CCSER1: variants seen among roughly 807,000 people sequenced by gnomAD.
The protein encoded by CCSER1 is coiled-coil serine rich protein 1, also known as serine-rich coiled-coil domain-containing protein 1.
A neutral mutation model predicts 82.0 loss-of-function variants in CCSER1; 41 were observed. The observed-to-expected ratio is 0.50, with a 90% CI of 0.39 to 0.65. The LOEUF (loss-of-function observed/expected upper bound fraction) is 0.65. CCSER1 is among the 30% of genes least tolerant of loss of function. The probability of loss-of-function intolerance (pLI) is 0.00; values close to 1 mark genes in which losing one functional copy is unlikely to be tolerated. For missense variants in CCSER1, 1,119 were observed against 1,064.2 expected (o/e 1.05, Z -0.72); for synonymous variants, 414 against 383.9 (o/e 1.08, Z -0.92).
chr4:90,375,381 A>G (rs560455464), intron 3 of CCSER1, among the ~76,000 whole-genome samples: 1 of 152,180 alleles, frequency 6.6e-6, no homozygotes, highest in South Asian at 2.1e-4. Context: ...AAAGTAAAAT[A>G]TAGCTACTAG....
intron 7 of CCSER1, among the ~76,000 whole-genome samples, chr4:90,769,717 GTGTCTAC>G (rs1316390423): frequency 1.3e-5 from 2 of 152,168 alleles, no homozygotes; most frequent in African/African-American, 4.8e-5. Flanking sequence ...TAGACCTGAA[GTGTCTAC>G]ACCATGGCTG....
intron 10 of CCSER1, among the ~76,000 whole-genome samples, chr4:91,154,593 A>C (rs1730613109): frequency 6.6e-6 from 1 of 152,018 alleles, no homozygotes; most frequent in Non-Finnish European, 1.5e-5. Flanking sequence ...AAATGCAGGA[A>C]TCACCCATCT....
intron 9 of CCSER1, among the ~76,000 whole-genome samples, chr4:91,062,966 G>T (rs1187540698): frequency 6.6e-6 from 1 of 152,048 alleles, no homozygotes; most frequent in Non-Finnish European, 1.5e-5. Flanking sequence ...AATAACCAAT[G>T]ATTTATTTGA....
intron 9 of CCSER1, among the ~76,000 whole-genome samples, chr4:91,079,113 A>G (rs565784523): frequency 6.0e-4 from 91 of 152,334 alleles, no homozygotes; most frequent in Non-Finnish European, 1.2e-3. Flanking sequence ...AGCAAATCCA[A>G]GACACATAAT....
intron 9 of CCSER1, among the ~76,000 whole-genome samples, chr4:91,060,351 TG>T (rs1445006016): frequency 1.3e-5 from 2 of 152,046 alleles, no homozygotes; most frequent in African/African-American, 4.8e-5. Context: ...TAGTCATTTC[TG>T]AAATCAGTCA....
intron 6 of CCSER1, among the ~76,000 whole-genome samples, chr4:90,647,663 T>C (rs1727839568): frequency 6.6e-6 from 1 of 152,214 alleles, no homozygotes; most frequent in African/African-American, 2.4e-5. Context: ...ACTCTCCACT[T>C]TATACAAAAT....
intron 5 of CCSER1, among the ~76,000 whole-genome samples, chr4:90,497,932 G>A (rs1769281567): frequency 6.6e-6 from 1 of 151,822 alleles, no homozygotes; most frequent in South Asian, 2.1e-4. Context: ...AGGGTGAGAT[G>A]GAATCATGAA....
intron 10 of CCSER1, among the ~76,000 whole-genome samples, chr4:91,216,749 A>G (rs542737725): frequency 5.7e-4 from 87 of 152,282 alleles, no homozygotes; most frequent in African/African-American, 2.1e-3. Context: ...TATACTTCGT[A>G]ACTAAATCTT....
intron 5 of CCSER1, among the ~76,000 whole-genome samples, chr4:90,554,175 C>T (rs1298308314): frequency 2.0e-5 from 3 of 151,966 alleles, no homozygotes; most frequent in African/African-American, 4.8e-5. Flanking sequence ...GCCTGGGCAA[C>T]ATAGAAAGAC....
intron 10 of CCSER1, among the ~76,000 whole-genome samples, chr4:91,467,668 A>C (rs1211253967): frequency 6.6e-6 from 1 of 152,174 alleles, no homozygotes; most frequent in African/African-American, 2.4e-5. Flanking sequence ...AAAAACAAAC[A>C]ACCCCATCAA....
intron 10 of CCSER1, among the ~76,000 whole-genome samples, chr4:91,343,931 AAAAT>A (rs1372755147): frequency 6.6e-6 from 1 of 152,216 alleles, no homozygotes; most frequent in African/African-American, 2.4e-5. Context: ...AAGAAATGTA[AAAAT>A]AAATAATAGG....
chr4:90,661,536 G>A (rs1255511551), intron 6 of CCSER1, among the ~76,000 whole-genome samples: 1 of 152,134 alleles, frequency 6.6e-6, no homozygotes, highest in Non-Finnish European at 1.5e-5. Context: ...AAGAATAGAA[G>A]GCTGAAGCGC....
In CCSER1 at chr4:90,606,554, T is replaced by C. The variant is rs17017263; in HGVS notation, c.1725-21471T>C. On this transcript the variant is annotated intron_variant, in intron 5 of 10. Transcript: ENST00000509176. The stretch of plus-strand genomic sequence containing the variant: ...GTCCCACACTTGACGTGATATAGAG[T>C]TCATATGTCACTTTTTCATTGTTAC... 8.0e-3 allele frequency among the ~76,000 whole-genome samples: 1,218 copies of C among 152,246 alleles called. 18 individuals carry two copies. The highest frequency in any genetic ancestry group is 0.027 in the African/African-American group (1,118 of 41,540).
At chr4:90,575,645 A>AT (rs1780659554) in intron 5 of CCSER1, among the ~76,000 whole-genome samples, 1 of 151,890 alleles carries the variant, frequency 6.6e-6, no homozygotes, top group Non-Finnish European at 1.5e-5. Flanking sequence ...ATGTATCATC[A>AT]TTTTTCTCTC....
chr4:90,312,880 A>C lies in CCSER1; in HGVS notation c.1342A>C (p.Ser448Arg). ...TTCCATAGTTCTTGCCAGTAGTCTCAGTCCATTTCGTGAAGGAAGATTTAT... is the reference window on the plus strand; with the variant it reads ...TTCCATAGTTCTTGCCAGTAGTCTCCGTCCATTTCGTGAAGGAAGATTTAT... ...NPAKVLASSL[S>R]PFREGRFIER... Residue 448 changes from serine (S) to arginine (R), a missense_variant, in exon 3 of 11, where the codon AGT becomes CGT. Ser to Arg is a moderately radical substitution (Grantham distance 110, BLOSUM62 -1). Transcript: ENST00000509176. 2 of 1,569,946 alleles carry C rather than the reference A, an allele frequency of 1.3e-6. No individual in the cohort carries two copies. The highest frequency in any genetic ancestry group is 4.7e-5 in the East Asian group (2 of 42,892).
chr4:91,350,158 C>A (rs1748375640), intron 10 of CCSER1, among the ~76,000 whole-genome samples: 2 of 151,966 alleles, frequency 1.3e-5, no homozygotes, highest in Admixed American at 1.3e-4. Context: ...GTTTGTTTTG[C>A]TTCCCATGTA....
At chr4:90,153,635 A>G (rs1162031026) in intron 1 of CCSER1, among the ~76,000 whole-genome samples, 1 of 152,110 alleles carries the variant, frequency 6.6e-6, no homozygotes, top group African/African-American at 2.4e-5. Flanking sequence ...TCTGATGGCC[A>G]GTGATGGTGA....
intron 4 of CCSER1, among the ~76,000 whole-genome samples, chr4:90,467,301 T>A (rs28485737): frequency 1.3e-5 from 2 of 151,946 alleles, no homozygotes; most frequent in African/African-American, 2.4e-5. Context: ...GGAGAATCAC[T>A]TGAACCCAGG....
chr4:90,312,056 T>G (rs1240969243), intron 2 of CCSER1, among the ~76,000 whole-genome samples: 1 of 152,200 alleles, frequency 6.6e-6, no homozygotes, highest in Non-Finnish European at 1.5e-5. Flanking sequence ...GATTCCAGTT[T>G]GCATTTTTAA....
Sources: gnomAD v4.1 joint callset for allele counts (sites outside exome capture counted in the v4.1 genomes callset) on GRCh38, gnomAD v4.1.1 for gene constraint, MANE v1.5 for transcripts, NCBI Gene and HGNC (gene_info 2026-07-23, HGNC 2026-07-21) for gene names.